The following MAPK10 variants were observed in gnomAD, a reference collection of about 807,000 sequenced individuals.
MAPK10 encodes mitogen-activated protein kinase 10.
Under a neutral mutation model 59.3 loss-of-function variants are expected in MAPK10, and 25 were observed. The ratio of observed to expected loss-of-function variants is 0.42; its 90% CI spans 0.31 to 0.59. MAPK10 has a LOEUF of 0.59. Among genes scored for constraint, MAPK10 ranks in the 20% least tolerant of loss-of-function variants. The pLI is 0.15. For missense variants in MAPK10, 351 were observed against 568.9 expected, an observed-to-expected ratio of 0.62 and a Z score of 3.90; for synonymous variants, 190 against 200.5, an observed-to-expected ratio of 0.95 and a Z score of 0.44.
chr4:86,527,312 C>CAAAAAAAAAAAAA lies in MAPK10; in HGVS notation c.-263+66585_-263+66597dup, dbSNP rs57390422. On this transcript the variant is annotated intron_variant, in intron 1 of 4. Transcript: ENST00000502302. ...GAGCAACAGAGTGAGACACTGTTGC[C>CAAAAAAAAAAAAA]AAAAAAAAAAAAAAAAAAAAAAAAA... 6.8e-4 allele frequency among the ~76,000 whole-genome samples: 11 copies of CAAAAAAAAAAAAA among 16,196 alleles called. 3 individuals carry two copies. The highest frequency in any genetic ancestry group is 1.5e-3 in the Non-Finnish European group (11 of 7,144). The allele number at this position is 16,196 out of a possible 152,430, so 10.6% of individuals were successfully genotyped here.
chr4:86,498,616 T>G (rs907714181), intron 1 of MAPK10, among the ~76,000 whole-genome samples: 3 of 152,270 alleles, frequency 2.0e-5, no homozygotes, highest in African/African-American at 2.4e-5. Flanking sequence ...ACTAAAAATT[T>G]TTAGTGAGAG....
chr4:86,017,733 A>T lies in MAPK10; in HGVS notation c.1253-363T>A, dbSNP rs1040342978. On this transcript the variant is annotated intron_variant, in intron 13 of 13. Coordinates refer to ENST00000641462, the MANE Select transcript of MAPK10 (RefSeq NM_138982.4). The surrounding 1 kb of genome is among the most constrained non-coding windows in gnomAD (Gnocchi z 4.4). The stretch of plus-strand genomic sequence containing the variant: ...AAGGTATTTGCATTTTTATTTATTT[A>T]TTTTTTTTGAGATGGAGTCTCGCTC... Among the ~76,000 whole-genome samples the T allele has an allele frequency of 2.0e-5, 3 of 151,686 alleles. No homozygotes were observed. The highest frequency in any genetic ancestry group is 2.9e-5 in the Non-Finnish European group (2 of 67,934).
intron 11 of MAPK10, chr4:86,044,454 T>C (rs909234529): frequency 3.3e-6 from 1 of 305,546 alleles, no homozygotes; most frequent in Admixed American, 5.0e-5. Flanking sequence ...TCTAACCACT[T>C]ATACAGTAGA....
At chr4:86,450,542 T>A (rs1750578031) in intron 1 of MAPK10, among the ~76,000 whole-genome samples, 1 of 152,214 alleles carries the variant, frequency 6.6e-6, no homozygotes, top group Non-Finnish European at 1.5e-5. Context: ...ATAATTGAAA[T>A]CCTTCAATTA....
chr4:86,108,296 G>T (rs1315405219), intron 4 of MAPK10, among the ~76,000 whole-genome samples: 1 of 151,970 alleles, frequency 6.6e-6, no homozygotes, highest in East Asian at 1.9e-4. Context: ...AGTGAGAGAG[G>T]CTCTTTTTGC....
chr4:86,155,285 G>A (rs1310040247), intron 4 of MAPK10, among the ~76,000 whole-genome samples: 1 of 151,786 alleles, frequency 6.6e-6, no homozygotes, highest in Non-Finnish European at 1.5e-5. Flanking sequence ...TCTTGTTACT[G>A]TAGACCACTT....
intron 1 of MAPK10, among the ~76,000 whole-genome samples, chr4:86,513,596 T>A (rs1264439111): frequency 6.6e-6 from 1 of 152,168 alleles, no homozygotes; most frequent in East Asian, 1.9e-4. Flanking sequence ...TGGTTACAAG[T>A]CTTACTTAAT....
At chr4:86,549,049 G>A (rs1238462676) in intron 1 of MAPK10, among the ~76,000 whole-genome samples, 4 of 151,858 alleles carry the variant, frequency 2.6e-5, no homozygotes, top group Non-Finnish European at 4.4e-5. Context: ...CAATATTAAT[G>A]CAGTATTTTA....
chr4:86,580,107 T>G (rs540958607), intron 1 of MAPK10, among the ~76,000 whole-genome samples: 1 of 152,274 alleles, frequency 6.6e-6, no homozygotes, highest in African/African-American at 2.4e-5. Context: ...GTCCGTGGCC[T>G]GTTTTTATGA....
intron 13 of MAPK10, among the ~76,000 whole-genome samples, chr4:86,021,845 C>A (rs1378564303): frequency 6.6e-6 from 1 of 152,240 alleles, no homozygotes; most frequent in East Asian, 1.9e-4. Flanking sequence ...CAGCCACTGG[C>A]CCGGGTGCTA....
intron 3 of MAPK10, among the ~76,000 whole-genome samples, chr4:86,187,750 C>T (rs566316156): frequency 6.6e-6 from 1 of 152,146 alleles, no homozygotes; most frequent in Non-Finnish European, 1.5e-5. Context: ...AACACCTATT[C>T]ACTTCCATTT....
At chr4:86,517,423 C>T (rs561113263) in intron 1 of MAPK10, among the ~76,000 whole-genome samples, 80 of 151,906 alleles carry the variant, frequency 5.3e-4, no homozygotes, top group African/African-American at 1.8e-3. Context: ...CTACAGGGGC[C>T]GGCCACCGCG....
chr4:86,083,102 C>T (rs997986563), intron 9 of MAPK10, among the ~76,000 whole-genome samples: 1 of 152,022 alleles, frequency 6.6e-6, no homozygotes, highest in Non-Finnish European at 1.5e-5. Flanking sequence ...AAGTTTTGTT[C>T]TTGAGTTAGT....
chr4:86,369,368 A>G (rs938580717), intron 1 of MAPK10, among the ~76,000 whole-genome samples: 3 of 152,218 alleles, frequency 2.0e-5, no homozygotes, highest in Non-Finnish European at 4.4e-5. Context: ...CATTTATATG[A>G]GAAGACTTTT....
rs1402098294 is a variant in MAPK10, at chr4:86,074,120, G to C, written c.803-6165C>G. Among the ~76,000 whole-genome samples, 12 of 112,872 alleles carry C rather than the reference G, an allele frequency of 1.1e-4. 2 individuals carry two copies. Among genetic ancestry groups the C allele is most frequent in the Non-Finnish European group, 2.1e-4 (11 of 52,810 alleles). The allele number at this position is 112,872 out of a possible 152,430, so 74.0% of individuals were successfully genotyped here. On this transcript the variant is annotated intron_variant, in intron 9 of 13. Coordinates refer to ENST00000641462, the MANE Select transcript of MAPK10 (RefSeq NM_138982.4). ...ATATTTAGGATAGTTAGCTCTTCTT[G>C]TTGAATTGATCCCTTTACCATTATG...
At chr4:86,552,219 A>G (rs1394342678) in intron 1 of MAPK10, among the ~76,000 whole-genome samples, 1 of 151,910 alleles carries the variant, frequency 6.6e-6, no homozygotes, top group Non-Finnish European at 1.5e-5. Flanking sequence ...CAGGAATTCA[A>G]GAACAGCCTG....
intron 4 of MAPK10, among the ~76,000 whole-genome samples, chr4:86,136,206 G>A (rs2062043705): frequency 6.6e-6 from 1 of 152,122 alleles, no homozygotes; most frequent in African/African-American, 2.4e-5. Flanking sequence ...TACTCCTCGA[G>A]AAGAGCAACT....
intron 11 of MAPK10, among the ~76,000 whole-genome samples, chr4:86,051,533 A>G (rs933572510): frequency 2.6e-5 from 4 of 152,186 alleles, no homozygotes; most frequent in African/African-American, 9.7e-5. Flanking sequence ...TTCCGACTTC[A>G]TGTCTATAGC....
At chr4:86,176,979 G>C (rs1365620967) in intron 3 of MAPK10, among the ~76,000 whole-genome samples, 1 of 152,010 alleles carries the variant, frequency 6.6e-6, no homozygotes, top group Admixed American at 6.6e-5. Context: ...AGATGTAGAA[G>C]AAAGAGTCAG....
Sources: gnomAD v4.1 joint callset for allele counts (sites outside exome capture counted in the v4.1 genomes callset) on GRCh38, gnomAD v4.1.1 for gene constraint, Gnocchi (gnomAD v3.1) non-coding constraint, MANE v1.5 for transcripts, NCBI Gene and HGNC (gene_info 2026-07-23, HGNC 2026-07-21) for gene names.